FBXL2: variants seen among roughly 807,000 people sequenced by gnomAD.
FBXL2 encodes the protein F-box and leucine rich repeat protein 2.
FBXL2 carries 38 observed loss-of-function variants against 69.2 expected under a neutral mutation model. The ratio of observed to expected loss-of-function variants is 0.55; its 90% CI spans 0.42 to 0.72. The LOEUF is 0.72. Ranked by LOEUF, FBXL2 falls within the 30% of genes least tolerant of loss-of-function variation. The pLI, the probability that FBXL2 is intolerant of heterozygous loss-of-function variation, is 0.00. For missense variants in FBXL2, 354 were observed against 520.3 expected (o/e 0.68, Z 3.11); for synonymous variants, 192 against 201.3 (o/e 0.95, Z 0.39).
intron 2 of FBXL2, among the ~76,000 whole-genome samples, chr3:33,333,752 T>A (rs2039348321): frequency 2.0e-5 from 3 of 152,118 alleles, no homozygotes; most frequent in Admixed American, 6.6e-5. Context: ...AGCCTAGAAA[T>A]TCTTCCCCTT....
intron 2 of FBXL2, among the ~76,000 whole-genome samples, chr3:33,330,021 A>G (rs1484193728): frequency 2.7e-5 from 4 of 145,884 alleles, no homozygotes; most frequent in South Asian, 2.2e-4. Flanking sequence ...GGTGGCTCAC[A>G]CCTATAATCC....
At chr3:33,396,071 A>C in intron 12 of FBXL2, 1 of 1,206,420 alleles carries the variant, frequency 8.3e-7, no homozygotes, top group Non-Finnish European at 1.1e-6. Context: ...CTAACACAGC[A>C]AGAGTTCTCC....
chr3:33,277,522 C>T lies in FBXL2; in HGVS notation c.3+7C>T. On this transcript the variant is annotated splice_region_variant and intron_variant, in intron 1 of 14. Transcript: ENST00000484457. ...TCGCGGCTCTTCGGCCATGGTGAGT[C>T]TGGGACCCGCGTCTGCCTAGCTGCC... The T allele has an allele frequency of 7.7e-7, 1 of 1,297,778 alleles. No homozygotes were observed. The highest frequency in any genetic ancestry group is 3.1e-5 in the East Asian group (1 of 32,602). 80.4% of individuals were successfully genotyped at this position (1,297,778 alleles called of 1,614,324 possible).
chr3:33,281,597 C>A (rs770546067), intron 1 of FBXL2, among the ~76,000 whole-genome samples: 2 of 152,120 alleles, frequency 1.3e-5, no homozygotes, highest in Non-Finnish European at 2.9e-5. Flanking sequence ...ATTTCTAGTT[C>A]TAGATCCTTG....
chr3:33,316,354 G>A (rs147198351), intron 2 of FBXL2, among the ~76,000 whole-genome samples: 7 of 151,872 alleles, frequency 4.6e-5, no homozygotes, highest in African/African-American at 1.2e-4. Flanking sequence ...CCACCACGCC[G>A]AGCCACCACG....
At chr3:33,330,701 A>T (rs977547315) in intron 2 of FBXL2, among the ~76,000 whole-genome samples, 4 of 152,312 alleles carry the variant, frequency 2.6e-5, no homozygotes, top group Non-Finnish European at 5.9e-5. Flanking sequence ...CAGCCTGGCC[A>T]GCATGGCAAA....
intron 12 of FBXL2, among the ~76,000 whole-genome samples, chr3:33,393,608 A>G (rs927150282): frequency 2.5e-4 from 38 of 152,236 alleles, no homozygotes; most frequent in Non-Finnish European, 5.9e-5. Flanking sequence ...TCTTTCCCCC[A>G]TCTTACTACC....
At chr3:33,286,314 G>A (rs778357793) in intron 1 of FBXL2, among the ~76,000 whole-genome samples, 4 of 152,200 alleles carry the variant, frequency 2.6e-5, no homozygotes, top group Non-Finnish European at 4.4e-5. Flanking sequence ...TCCAGACCCT[G>A]TTTGCCTGGG....
intron 2 of FBXL2, among the ~76,000 whole-genome samples, chr3:33,343,263 TAAC>T (rs761732559): frequency 6.6e-6 from 1 of 152,090 alleles, no homozygotes; most frequent in Non-Finnish European, 1.5e-5. Flanking sequence ...TTTTGTGCAA[TAAC>T]AATTTAATTT....
At chr3:33,361,467 T>C (rs1288628218) in intron 4 of FBXL2, among the ~76,000 whole-genome samples, 1 of 152,096 alleles carries the variant, frequency 6.6e-6, no homozygotes, top group African/African-American at 2.4e-5. Flanking sequence ...GCTCTGATTG[T>C]GCCATTGCAC....
intron 1 of FBXL2, among the ~76,000 whole-genome samples, chr3:33,287,029 G>A (rs9811643): frequency 6.6e-6 from 1 of 152,048 alleles, no homozygotes; most frequent in Non-Finnish European, 1.5e-5. Flanking sequence ...CTGCACCCAC[G>A]GTCCGACAAG....
At chr3:33,367,286 T>C (rs2042015289) in intron 5 of FBXL2, among the ~76,000 whole-genome samples, 2 of 152,234 alleles carry the variant, frequency 1.3e-5, no homozygotes, top group South Asian at 4.1e-4. Context: ...TTCACCATGT[T>C]GGCCAGGCTA....
chr3:33,337,409 G>T (rs1377584719), intron 2 of FBXL2, among the ~76,000 whole-genome samples: 2 of 152,136 alleles, frequency 1.3e-5, no homozygotes, highest in East Asian at 1.9e-4. Flanking sequence ...ATCATCACTT[G>T]TAGCAGGGAA....
At chr3:33,305,258 A>G (rs1405693699) in intron 2 of FBXL2, among the ~76,000 whole-genome samples, 1 of 151,848 alleles carries the variant, frequency 6.6e-6, no homozygotes, top group African/African-American at 2.4e-5. Context: ...TTTGTTTTTG[A>G]TATTTCAGTT....
chr3:33,420,304 A>T, the FBXL2 span, among the ~76,000 whole-genome samples: 1 of 151,878 alleles, frequency 6.6e-6, no homozygotes, highest in Admixed American at 6.6e-5. Context: ...GTTTCTAGGG[A>T]CTTATAGCTG....
intron 1 of FBXL2, among the ~76,000 whole-genome samples, chr3:33,277,861 A>T (rs2033483221): frequency 6.6e-6 from 1 of 152,184 alleles, no homozygotes; most frequent in African/African-American, 2.4e-5. Context: ...GTTAAAAAAA[A>T]AAATCTTGTA....
intron 1 of FBXL2, among the ~76,000 whole-genome samples, chr3:33,286,219 G>A (rs1000263160): frequency 6.6e-6 from 1 of 152,206 alleles, no homozygotes; most frequent in African/African-American, 2.4e-5. Context: ...GGGTTTTGGT[G>A]TGGATGTCCT....
chr3:33,293,500 C>T (rs1339844607), intron 1 of FBXL2, among the ~76,000 whole-genome samples: 1 of 152,136 alleles, frequency 6.6e-6, no homozygotes, highest in African/African-American at 2.4e-5. Flanking sequence ...TAGAGGTTTC[C>T]TAGTCTCATT....
chr3:33,357,640 C>T (rs1024294814), intron 2 of FBXL2, among the ~76,000 whole-genome samples: 2 of 151,572 alleles, frequency 1.3e-5, no homozygotes, highest in African/African-American at 4.8e-5. Context: ...CGCCATTCTC[C>T]TGCCTCAGCC....
Sources: gnomAD v4.1 joint callset for allele counts (sites outside exome capture counted in the v4.1 genomes callset) on GRCh38, gnomAD v4.1.1 for gene constraint, MANE v1.5 for transcripts, NCBI Gene and HGNC (gene_info 2026-07-23, HGNC 2026-07-21) for gene names.